Variants in MAN1C1 observed in about 807,000 individuals in gnomAD.
The protein encoded by MAN1C1 is mannosyl-oligosaccharide 1,2-alpha-mannosidase IC.
A neutral mutation model predicts 71.5 loss-of-function variants in MAN1C1; 49 were observed. The observed-to-expected ratio is 0.69, with a 90% CI of 0.54 to 0.87. The LOEUF is 0.87. Among genes scored for constraint, MAN1C1 ranks in the 40% least tolerant of loss-of-function variants. The pLI is 0.00. For synonymous variants in MAN1C1, 352 were observed against 343.7 expected (o/e 1.02, Z -0.27); for missense variants, 743 against 835.0 (o/e 0.89, Z 1.36).
At chr1:25,621,419 C>G (rs1242743946) in intron 1 of MAN1C1, among the ~76,000 whole-genome samples, 6 of 152,134 alleles carry the variant, frequency 3.9e-5, no homozygotes, top group Non-Finnish European at 8.8e-5. Flanking sequence ...TGGTAGTAGC[C>G]TTGCCTTTCA....
chr1:25,753,484 G>C lies in MAN1C1; in HGVS notation c.835G>C (p.Val279Leu). 1 of 1,612,750 alleles carries C rather than the reference G, an allele frequency of 6.2e-7. No individual in the cohort carries two copies. Among genetic ancestry groups the C allele is most frequent in the Non-Finnish European group, 8.5e-7 (1 of 1,179,136 alleles). ...AGCCCTTTGATCCCCTCCTTTACAG[G>C]TGTTCCGAATAAAGGCCATCAGGCT... is the stretch of plus-strand genomic sequence containing the variant. ...LSAFYLTGEEVFRIKAIRLGE... is the reference protein window; with the variant it reads ...LSAFYLTGEELFRIKAIRLGE... The change falls in exon 5 of 12, where the codon GTG becomes CTG. Residue 279 changes from valine (V) to leucine (L), a missense_variant and splice_region_variant. Transcript: ENST00000374332. This position sits in a 1 kb window ranked among gnomAD's most constrained non-coding sequence, Gnocchi z 4.9.
chr1:25,774,596 T>A (rs1294486072), intron 8 of MAN1C1, among the ~76,000 whole-genome samples: 1 of 152,196 alleles, frequency 6.6e-6, no homozygotes, highest in African/African-American at 2.4e-5. Context: ...GAGCCAGGCT[T>A]CGAATATCCT....
chr1:25,722,674 A>T (rs985112452), intron 2 of MAN1C1, among the ~76,000 whole-genome samples: 17 of 152,048 alleles, frequency 1.1e-4, no homozygotes, highest in African/African-American at 4.1e-4. Context: ...CTTCCTGCAG[A>T]GTCTCTGTGT....
At chr1:25,652,041 C>T (rs1394835154) in intron 1 of MAN1C1, among the ~76,000 whole-genome samples, 2 of 152,210 alleles carry the variant, frequency 1.3e-5, no homozygotes, top group Admixed American at 1.3e-4. Flanking sequence ...CAGCAATGGC[C>T]ACTCAAAGCC....
At chr1:25,710,176 A>G (rs1310182364) in intron 2 of MAN1C1, 1 of 152,236 alleles carries the variant, frequency 6.6e-6, no homozygotes, top group African/African-American at 2.4e-5. Flanking sequence ...TCCCACTGGC[A>G]TGGGTCAGAC....
chr1:25,618,919 AACAATTGTAC>A (rs1174485004), intron 1 of MAN1C1, among the ~76,000 whole-genome samples: 1 of 152,176 alleles, frequency 6.6e-6, no homozygotes, highest in African/African-American at 2.4e-5. Context: ...TGAGCTTCAG[AACAATTGTAC>A]ACAATTGTAC....
chr1:25,699,301 A>C lies in MAN1C1; in HGVS notation c.637+12765A>C, dbSNP rs190378264. Among the ~76,000 whole-genome samples, 20 of 151,008 alleles carry C rather than the reference A, an allele frequency of 1.3e-4. No homozygotes were observed. The East Asian group carries it at 3.3e-3, about 25-fold the overall frequency. Reference sequence around the variant, plus strand: ...GGCAACAAGAGCGAAACTCCATCTTAAATTAAAAAAAAAAAAAAAAGAAGA... The same window carrying C: ...GGCAACAAGAGCGAAACTCCATCTTCAATTAAAAAAAAAAAAAAAAGAAGA... On this transcript the variant is annotated intron_variant, in intron 2 of 11. Transcript: ENST00000374332.
At chr1:25,767,836 C>CAAT (rs1572206899) in intron 7 of MAN1C1, among the ~76,000 whole-genome samples, 1 of 119,546 alleles carries the variant, frequency 8.4e-6, no homozygotes, top group Non-Finnish European at 1.7e-5. Flanking sequence ...CTCACACACA[C>CAAT]TACACACACA....
chr1:25,693,123 A>G (rs1243021663), intron 2 of MAN1C1, among the ~76,000 whole-genome samples: 2 of 152,218 alleles, frequency 1.3e-5, no homozygotes, highest in South Asian at 4.1e-4. Context: ...CATATTTTGT[A>G]TGTTCTGTGT....
At chr1:25,624,584 A>G (rs1038135322) in intron 1 of MAN1C1, among the ~76,000 whole-genome samples, 2 of 152,224 alleles carry the variant, frequency 1.3e-5, no homozygotes, top group African/African-American at 4.8e-5. Context: ...TACAGAAGAA[A>G]CTTTGCTATA....
intron 2 of MAN1C1, among the ~76,000 whole-genome samples, chr1:25,738,375 G>C (rs997288179): frequency 1.3e-5 from 2 of 152,190 alleles, no homozygotes; most frequent in African/African-American, 4.8e-5. Context: ...AGACGATCTG[G>C]TTTTAAACAA....
In MAN1C1 at chr1:25,686,377, G is replaced by A. The variant is rs575770725; in HGVS notation, c.541-63G>A. The stretch of plus-strand genomic sequence containing the variant: ...CACGTTGCAAGGGGCAAAGCCAGGC[G>A]GCCAGTGCGCACTGCCAGGAATCGT... On this transcript the variant is annotated intron_variant, in intron 1 of 11. Transcript: ENST00000374332. The A allele has an allele frequency of 1.5e-5, 21 of 1,371,806 alleles. No homozygotes were observed. In the African/African-American group the frequency reaches 2.1e-4, roughly 14 times the overall value. 85.0% of individuals were successfully genotyped at this position (1,371,806 alleles called of 1,614,324 possible).
intron 1 of MAN1C1, 44 bp downstream of exon 1, chr1:25,618,381 T>G: frequency 6.4e-7 from 1 of 1,552,518 alleles, no homozygotes; most frequent in Non-Finnish European, 8.7e-7. Context: ...CTGCCCCCTC[T>G]AAGGAGAGAA....
intron 2 of MAN1C1, among the ~76,000 whole-genome samples, chr1:25,701,634 T>TG (rs112541655): frequency 0.015 from 2,305 of 152,292 alleles, 50 homozygotes; most frequent in African/African-American, 0.051. Context: ...TGGCACTTTT[T>TG]GGGGTATTTG....
chr1:25,650,529 C>A (rs1011408777), intron 1 of MAN1C1, among the ~76,000 whole-genome samples: 13 of 152,268 alleles, frequency 8.5e-5, no homozygotes, highest in African/African-American at 3.1e-4. Context: ...AGCTCACGAC[C>A]CCCCGCAGAG....
chr1:25,754,507 G>C (rs139151753), intron 5 of MAN1C1, among the ~76,000 whole-genome samples: 7 of 151,790 alleles, frequency 4.6e-5, no homozygotes, highest in African/African-American at 1.5e-4. Context: ...CTCAGGGTGT[G>C]AACTCATTGG....
intron 2 of MAN1C1, among the ~76,000 whole-genome samples, chr1:25,712,174 T>C (rs2046621523): frequency 6.6e-6 from 1 of 152,246 alleles, no homozygotes; most frequent in Non-Finnish European, 1.5e-5. Context: ...AAAGTAACAG[T>C]ACTGGATCAA....
chr1:25,645,046 A>G (rs529728469), intron 1 of MAN1C1: 1 of 152,462 alleles, frequency 6.6e-6, no homozygotes, highest in South Asian at 2.1e-4. Flanking sequence ...TGATTCTGCC[A>G]AACCTGACTG....
chr1:25,676,976 C>G, intron 1 of MAN1C1, among the ~76,000 whole-genome samples: 1 of 152,180 alleles, frequency 6.6e-6, no homozygotes, highest in East Asian at 1.9e-4. Context: ...TCCTTTCTCT[C>G]TTGATCTCAT....
Sources: allele counts gnomAD v4.1 joint callset (sites outside exome capture counted in the v4.1 genomes callset), GRCh38; gene constraint gnomAD v4.1.1; non-coding constraint Gnocchi (gnomAD v3.1); transcripts MANE v1.5; gene names NCBI Gene and HGNC (gene_info 2026-07-23, HGNC 2026-07-21).